KIRREL3: variants seen among roughly 807,000 people sequenced by gnomAD.
KIRREL3 encodes kin of IRRE-like protein 3.
KIRREL3 carries 36 observed loss-of-function variants against 89.7 expected under a neutral mutation model. The observed-to-expected ratio is 0.40, with a 90% CI of 0.31 to 0.53. The LOEUF (loss-of-function observed/expected upper bound fraction) is 0.53. Among genes scored for constraint, KIRREL3 ranks in the 20% least tolerant of loss-of-function variants. The probability of loss-of-function intolerance (pLI) is 0.49; values close to 1 mark genes in which losing one functional copy is unlikely to be tolerated. For missense variants in KIRREL3, 864 were observed against 1,056.6 expected (o/e 0.82, Z 2.53); for synonymous variants, 445 against 441.4 (o/e 1.01, Z -0.10).
intron 1 of KIRREL3, among the ~76,000 whole-genome samples, chr11:126,863,281 C>G (rs1168548525): frequency 6.6e-6 from 1 of 150,986 alleles, no homozygotes; most frequent in Non-Finnish European, 1.5e-5. Context: ...CCTGGCTGCT[C>G]AGGAAAAGAC....
intron 1 of KIRREL3, among the ~76,000 whole-genome samples, chr11:126,758,069 G>A (rs79683501): frequency 2.6e-5 from 4 of 152,184 alleles, no homozygotes; most frequent in African/African-American, 4.8e-5. Context: ...TTCCAGTGTC[G>A]CCATGTAGGA....
intron 1 of KIRREL3, among the ~76,000 whole-genome samples, chr11:126,720,824 G>C (rs1948141036): frequency 1.3e-5 from 2 of 152,188 alleles, no homozygotes; most frequent in Non-Finnish European, 2.9e-5. Context: ...AGGAAGCCTG[G>C]GAGAAGGTGG....
intron 1 of KIRREL3, among the ~76,000 whole-genome samples, chr11:126,810,074 A>G (rs1407254643): frequency 6.6e-6 from 1 of 152,134 alleles, no homozygotes; most frequent in Admixed American, 6.5e-5. Flanking sequence ...GTGTTGAGTC[A>G]CTGACCACTC....
At chr11:126,743,222 G>A (rs1394744009) in intron 1 of KIRREL3, among the ~76,000 whole-genome samples, 1 of 152,208 alleles carries the variant, frequency 6.6e-6, no homozygotes, top group Non-Finnish European at 1.5e-5. Context: ...GGTGGGTGCT[G>A]CTAAACAGGG....
chr11:126,805,713 G>T lies in KIRREL3; in HGVS notation c.55+194742C>A, dbSNP rs1462574342. Among the ~76,000 whole-genome samples, 1 of 152,192 alleles carries T rather than the reference G, an allele frequency of 6.6e-6. No homozygotes were observed. Among genetic ancestry groups the T allele is most frequent in the Admixed American group, 6.5e-5 (1 of 15,278 alleles). ...TTTACTACTATGTATGTAAATGAAA[G>T]AAAGAAAAGGGAAGGACAGGGAGAG... is the stretch of plus-strand genomic sequence containing the variant. On this transcript the variant is annotated intron_variant, in intron 1 of 16. Transcript: ENST00000525144. The surrounding 1 kb of genome is among the most constrained non-coding windows in gnomAD (Gnocchi z 4.3).
chr11:126,848,474 C>A (rs372339893), intron 1 of KIRREL3, among the ~76,000 whole-genome samples: 1 of 152,104 alleles, frequency 6.6e-6, no homozygotes, highest in Non-Finnish European at 1.5e-5. Context: ...TTCCTGTAAA[C>A]CAACCAGTAA....
chr11:126,661,653 C>T (rs774769572), intron 1 of KIRREL3, among the ~76,000 whole-genome samples: 21 of 152,190 alleles, frequency 1.4e-4, no homozygotes, highest in Admixed American at 2.6e-4. Context: ...CTGTCTATAG[C>T]TTCAGATATG....
chr11:126,718,491 G>A (rs556374600), intron 1 of KIRREL3, among the ~76,000 whole-genome samples: 1 of 152,324 alleles, frequency 6.6e-6, no homozygotes, highest in South Asian at 2.1e-4. Context: ...GGCTGTGCCT[G>A]CTTTTGGCCC....
chr11:126,612,641 C>A lies in KIRREL3; in HGVS notation c.56-49729G>T, dbSNP rs1376122514. Among the ~76,000 whole-genome samples, 1 of 152,102 alleles carries A rather than the reference C, an allele frequency of 6.6e-6. No homozygotes were observed. The highest frequency in any genetic ancestry group is 1.5e-5 in the Non-Finnish European group (1 of 68,004). ...ACAATTTCATCGCCCCCAAAATAAA[C>A]CCCACACCCATCACTCCCCATTTCT... is the stretch of plus-strand genomic sequence containing the variant. On this transcript the variant is annotated intron_variant, in intron 1 of 16. Coordinates refer to ENST00000525144, the MANE Select transcript of KIRREL3 (RefSeq NM_032531.4). This position sits in a 1 kb window ranked among gnomAD's most constrained non-coding sequence, Gnocchi z 4.5.
At chr11:126,961,994 T>G (rs1333739365) in intron 1 of KIRREL3, among the ~76,000 whole-genome samples, 39 of 152,234 alleles carry the variant, frequency 2.6e-4, no homozygotes, top group Admixed American at 2.6e-3. Flanking sequence ...TGAGAACTAC[T>G]GCTCAGAAAA....
In KIRREL3 at chr11:126,769,808, G is replaced by A. The variant is rs894682126; in HGVS notation, c.56-206896C>T. Reference sequence around the variant, plus strand: ...GACGCAGATATGGGTCTGAATATTGGCCCTGATGAGGTGTAGAATCTTGTG... The same window carrying A: ...GACGCAGATATGGGTCTGAATATTGACCCTGATGAGGTGTAGAATCTTGTG... On this transcript the variant is annotated intron_variant, in intron 1 of 16. Coordinates refer to ENST00000525144, the MANE Select transcript of KIRREL3 (RefSeq NM_032531.4). The surrounding 1 kb of genome is among the most constrained non-coding windows in gnomAD (Gnocchi z 4.3). 6.6e-6 allele frequency among the ~76,000 whole-genome samples: 1 copy of A among 152,160 alleles called. No individual in the cohort carries two copies. The highest frequency in any genetic ancestry group is 2.1e-4 in the South Asian group (1 of 4,822).
chr11:126,473,408 G>T lies in KIRREL3; in HGVS notation c.492C>A (p.Asp164Glu), dbSNP rs1956978510. 1 of 1,590,982 alleles carries T rather than the reference G, an allele frequency of 6.3e-7. No homozygotes were observed. The highest frequency in any genetic ancestry group is 1.1e-5 in the South Asian group (1 of 88,004). Reference protein sequence around the residue: ...GGPVISLRAGDPLNLTCHADN... With the variant: ...GGPVISLRAGEPLNLTCHADN... ...CTGCGTGGCAGGTGAGGTTGAGAGG[G>T]TCCCCCGCACGCAGGCTGATCACAG... Residue 164 changes from aspartate (D) to glutamate (E), a missense_variant, in exon 5 of 17, where the codon GAC becomes GAA. Coordinates refer to ENST00000525144, the MANE Select transcript of KIRREL3 (RefSeq NM_032531.4).
At chr11:126,800,035 A>C (rs989591810) in intron 1 of KIRREL3, among the ~76,000 whole-genome samples, 1 of 152,188 alleles carries the variant, frequency 6.6e-6, no homozygotes, top group Non-Finnish European at 1.5e-5. Flanking sequence ...CATTGGCATT[A>C]TTTTGTGAAC....
In KIRREL3 at chr11:126,569,577, A is replaced by G. The variant is rs1390340384; in HGVS notation, c.56-6665T>C. Among the ~76,000 whole-genome samples the G allele has an allele frequency of 1.3e-5, 2 of 152,248 alleles. No individual in the cohort carries two copies. Among genetic ancestry groups the G allele is most frequent in the Non-Finnish European group, 2.9e-5 (2 of 68,050 alleles). ...GATACTATAATCCAGTTGGCTATAC[A>G]AGACATATACTTAAGAAAAGGTAAC... On this transcript the variant is annotated intron_variant, in intron 1 of 16. Transcript: ENST00000525144. This position sits in a 1 kb window ranked among gnomAD's most constrained non-coding sequence, Gnocchi z 6.5.
Position 126,515,562 on chromosome 11 carries a change from G to A in KIRREL3, c.433+5753C>T, listed in dbSNP as rs1041005520. 1.3e-5 allele frequency among the ~76,000 whole-genome samples: 2 copies of A among 152,220 alleles called. No individual in the cohort carries two copies. The highest frequency in any genetic ancestry group is 2.9e-5 in the Non-Finnish European group (2 of 68,040). ...TTGTCTGAGGTGAATCTTGACAGCT[G>A]AACACAAGTTAGCCAAGGGAAGAAA... On this transcript the variant is annotated intron_variant, in intron 4 of 16. Coordinates refer to ENST00000525144, the MANE Select transcript of KIRREL3 (RefSeq NM_032531.4). The surrounding 1 kb of genome is among the most constrained non-coding windows in gnomAD (Gnocchi z 4.2).
In KIRREL3 at chr11:126,768,170, A is replaced by ATCCATCCAATCCATCC. The variant is rs1171306684; in HGVS notation, c.56-205259_56-205258insGGATGGATTGGATGGA. On this transcript the variant is annotated intron_variant, in intron 1 of 16. Transcript: ENST00000525144. The surrounding 1 kb of genome is among the most constrained non-coding windows in gnomAD (Gnocchi z 4.5). ...CATCCATCCATCCATCCATCCATCC[A>ATCCATCCAATCCATCC]ATCCATCCATCCATCCATCCATCCA... Among the ~76,000 whole-genome samples the ATCCATCCAATCCATCC allele has an allele frequency of 5.2e-4, 42 of 80,006 alleles. No individual in the cohort carries two copies. The highest frequency in any genetic ancestry group is 6.5e-3 in the Middle Eastern group (1 of 154). 52.5% of individuals were successfully genotyped at this position (80,006 alleles called of 152,430 possible). A position where few individuals can be genotyped will look rare whatever the true frequency, so the allele number is the denominator to read the frequency against.
rs570481488 is a variant in KIRREL3 at position 126,730,741 on chromosome 11, C to CT, written c.56-167830dup. On this transcript the variant is annotated intron_variant, in intron 1 of 16. Transcript: ENST00000525144. ...TACAACATGCAATACTTTTCTTTTT[C>CT]TTTTTTTTTGTTTTTGAGATTGAGT... is the stretch of plus-strand genomic sequence containing the variant. Among the ~76,000 whole-genome samples, 147 of 151,412 alleles carry CT rather than the reference C, an allele frequency of 9.7e-4. 2 individuals carry two copies. In the South Asian group the frequency reaches 0.024, roughly 24 times the overall value.
rs1258342052 is a variant in KIRREL3 at position 126,807,335 on chromosome 11, G to A, written c.55+193120C>T. Among the ~76,000 whole-genome samples the A allele has an allele frequency of 6.6e-6, 1 of 152,170 alleles. No homozygotes were observed. Among genetic ancestry groups the A allele is most frequent in the Non-Finnish European group, 1.5e-5 (1 of 68,044 alleles). ...GTGAATTATGGGCACATTTCCATGTGGTGGGAAAGATGACAGGAGAAAGGA... is the reference window on the plus strand; with the variant it reads ...GTGAATTATGGGCACATTTCCATGTAGTGGGAAAGATGACAGGAGAAAGGA... On this transcript the variant is annotated intron_variant, in intron 1 of 16. Coordinates refer to ENST00000525144, the MANE Select transcript of KIRREL3 (RefSeq NM_032531.4). This position sits in a 1 kb window ranked among gnomAD's most constrained non-coding sequence, Gnocchi z 4.3.
rs1383520060 is a variant in KIRREL3 at position 126,955,219 on chromosome 11, G to T, written c.55+45236C>A. 1.3e-5 allele frequency among the ~76,000 whole-genome samples: 2 copies of T among 152,216 alleles called. No individual in the cohort carries two copies. The highest frequency in any genetic ancestry group is 2.9e-5 in the Non-Finnish European group (2 of 68,042). On this transcript the variant is annotated intron_variant, in intron 1 of 16. Transcript: ENST00000525144. This position sits in a 1 kb window ranked among gnomAD's most constrained non-coding sequence, Gnocchi z 4.6. ...GTGGTAATGAAGGAGATGGCAAAGT[G>T]AAAAGCAAGTTGCTTTAACCCTGAA...
Sources: gnomAD v4.1 joint callset for allele counts (sites outside exome capture counted in the v4.1 genomes callset) on GRCh38, gnomAD v4.1.1 for gene constraint, Gnocchi (gnomAD v3.1) non-coding constraint, MANE v1.5 for transcripts, NCBI Gene and HGNC (gene_info 2026-07-23, HGNC 2026-07-21) for gene names.